The following DNM1 variants were observed in gnomAD, a reference collection of about 807,000 sequenced individuals.
DNM1 encodes dynamin-1.
In DNM1, 29 loss-of-function variants were observed where a neutral mutation model predicts 104.6. The observed-to-expected ratio is 0.28, with a 90% CI of 0.21 to 0.38. DNM1 has a LOEUF of 0.38. Ranked by LOEUF, DNM1 falls within the 10% of genes least tolerant of loss-of-function variation. The pLI, the probability that DNM1 is intolerant of heterozygous loss-of-function variation, is 1.00. For synonymous variants in DNM1, 445 were observed against 475.8 expected (o/e 0.94, Z 0.84); for missense variants, 640 against 1,189.4 (o/e 0.54, Z 6.79).
Position 128,247,411 on chromosome 9 carries a change from C to T in DNM1, c.1818C>T (p.Ala606=), listed in dbSNP as rs755425465. The T allele has an allele frequency of 6.2e-7, 1 of 1,613,592 alleles. No homozygotes were observed. The highest frequency in any genetic ancestry group is 8.5e-7 in the Non-Finnish European group (1 of 1,179,644). ...AGGATTATCGGCAGCTGGAGCTAGC[C>T]TGTGAGACACAGGAGGAGGTGGACA... ...VYKDYRQLEL[A]CETQEEVDSW... Residue 606 remains alanine (A), a synonymous_variant, in exon 17 of 22, where the codon GCC becomes GCT. Transcript: ENST00000372923. This position sits in a 1 kb window ranked among gnomAD's most constrained non-coding sequence, Gnocchi z 5.1.
At chr9:128,252,177 A>G (rs1273857295) in intron 21 of DNM1, 1 of 217,356 alleles carries the variant, frequency 4.6e-6, no homozygotes, top group Non-Finnish European at 9.2e-6. Flanking sequence ...GACAGTGGCT[A>G]TAGGGATGCT....
intron 4 of DNM1, 73 bp from the exon 5 acceptor site, chr9:128,219,914 TG>T: frequency 8.3e-7 from 1 of 1,200,302 alleles, no homozygotes; most frequent in Non-Finnish European, 1.2e-6. Flanking sequence ...AGCAGGGGGA[TG>T]GGAGTGGGAG....
chr9:128,244,575 G>C (rs562780753), intron 15 of DNM1: 28 of 95,412 alleles, frequency 2.9e-4, no homozygotes, highest in East Asian at 1.6e-3. Context: ...CCCCATCACC[G>C]CTACCCCCAA....
chr9:128,231,494 A>T (rs1564339805), intron 10 of DNM1, among the ~76,000 whole-genome samples: 1 of 151,968 alleles, frequency 6.6e-6, no homozygotes, highest in Non-Finnish European at 1.5e-5. Context: ...AGCCACCGCA[A>T]CCGGCCACTT....
At position 128,243,762 on chromosome 9, in the gene DNM1, C is replaced by T. The variant is rs1836555165; in HGVS notation, c.1671+1417C>T. ...GCTGAGGGCCGGAGACCGGGTGACACTGTGGGGGAGGGGCACGTGCCACTG... is the reference window on the plus strand; with the variant it reads ...GCTGAGGGCCGGAGACCGGGTGACATTGTGGGGGAGGGGCACGTGCCACTG... On this transcript the variant is annotated intron_variant, in intron 15 of 21. Coordinates refer to ENST00000372923, the MANE Select transcript of DNM1 (RefSeq NM_004408.4). The surrounding 1 kb of genome is among the most constrained non-coding windows in gnomAD (Gnocchi z 4.0). Among the ~76,000 whole-genome samples, 1 of 152,034 alleles carries T rather than the reference C, an allele frequency of 6.6e-6. No homozygotes were observed. The highest frequency in any genetic ancestry group is 2.4e-5 in the African/African-American group (1 of 41,376).
In DNM1 at chr9:128,248,399, C is replaced by G; in HGVS notation, c.1906-184C>G. On this transcript the variant is annotated intron_variant, in intron 18 of 21. Coordinates refer to ENST00000372923, the MANE Select transcript of DNM1 (RefSeq NM_004408.4). The surrounding 1 kb of genome is among the most constrained non-coding windows in gnomAD (Gnocchi z 5.6). ...CACTAGAGTCAGAACCAAGACAAGG[C>G]TGAATCAGGGGAGTCTAGGGTCCTG... 2 of 609,304 alleles carry G rather than the reference C, an allele frequency of 3.3e-6. No individual in the cohort carries two copies. Among genetic ancestry groups the G allele is most frequent in the Middle Eastern group, 4.4e-4 (1 of 2,252 alleles). 37.7% of individuals were successfully genotyped at this position (609,304 alleles called of 1,614,324 possible). A position where few individuals can be genotyped will look rare whatever the true frequency, so the allele number is the denominator to read the frequency against.
chr9:128,238,564 G>A (rs1341119043), intron 11 of DNM1, among the ~76,000 whole-genome samples: 1 of 151,840 alleles, frequency 6.6e-6, no homozygotes, highest in Non-Finnish European at 1.5e-5. Flanking sequence ...ATTAATGAGA[G>A]TAAGGATTTT....
At chr9:128,205,530 A>G (rs1265781510) in intron 1 of DNM1, among the ~76,000 whole-genome samples, 2 of 152,182 alleles carry the variant, frequency 1.3e-5, no homozygotes, top group Non-Finnish European at 2.9e-5. Context: ...CCAAAGCCCA[A>G]TTCCTAATCT....
chr9:128,241,746 T>G (rs1836379278), intron 14 of DNM1, among the ~76,000 whole-genome samples: 1 of 152,212 alleles, frequency 6.6e-6, no homozygotes, highest in African/African-American at 2.4e-5. Context: ...AGGAAGGGGC[T>G]GCCTGAGAAT....
At chr9:128,226,260 G>T (rs142568696) in intron 10 of DNM1, 1 of 1,559,732 alleles carries the variant, frequency 6.4e-7, no homozygotes, top group East Asian at 2.3e-5. Context: ...CTGCTGAGCC[G>T]GCCTCACGGC....
rs1210676459 is a variant in DNM1, at chr9:128,254,006, C to A, written c.2535-648C>A. The A allele has an allele frequency of 8.9e-6, 11 of 1,234,438 alleles. No homozygotes were observed. The highest frequency in any genetic ancestry group is 1.6e-5 in the African/African-American group (1 of 64,424). The allele number at this position is 1,234,438 out of a possible 1,614,324, so 76.5% of individuals were successfully genotyped here. ...ACTCTCGCTCTTCTGCTTTTCCCAG[C>A]AGGAAGGGCCCAGCCTCACCTACGA... On this transcript the variant is annotated intron_variant, in intron 21 of 21. Coordinates refer to ENST00000372923, the MANE Select transcript of DNM1 (RefSeq NM_004408.4). The surrounding 1 kb of genome is among the most constrained non-coding windows in gnomAD (Gnocchi z 6.1).
In DNM1 at chr9:128,211,417, C is replaced by T. The variant is rs146612510; in HGVS notation, c.162-6814C>T. Among the ~76,000 whole-genome samples the T allele has an allele frequency of 2.7e-3, 406 of 150,748 alleles. 3 individuals are homozygous for T. The highest frequency in any genetic ancestry group is 9.7e-3 in the African/African-American group (396 of 41,000). On this transcript the variant is annotated intron_variant, in intron 1 of 21. Coordinates refer to ENST00000372923, the MANE Select transcript of DNM1 (RefSeq NM_004408.4). ...CGTGGGAAAAATAGGGCCGTGCCCT[C>T]TCTCTCACTCTCCTGGGGTGCTATT...
Position 128,248,825 on chromosome 9 carries a change from G to C in DNM1, c.2076+72G>C. The stretch of plus-strand genomic sequence containing the variant: ...GATGCAGGTGGCCATGTTGGCCTGG[G>C]GGAGATGCCAACCAGCCCTATGGGA... On this transcript the variant is annotated intron_variant, in intron 19 of 21. Transcript: ENST00000372923. The surrounding 1 kb of genome is among the most constrained non-coding windows in gnomAD (Gnocchi z 5.6). The C allele has an allele frequency of 2.0e-6, 3 of 1,535,392 alleles. No individual in the cohort carries two copies. Among genetic ancestry groups the C allele is most frequent in the South Asian group, 1.2e-5 (1 of 83,692 alleles).
rs533372287 is a variant in DNM1 at position 128,250,485 on chromosome 9, G to T, written c.2318+129G>T. ...CACCTGGAGCGAGGGGCGGAGCTTAGAGAGGGCGGGGCTTGTCGCGGGGCG... is the reference window on the plus strand; with the variant it reads ...CACCTGGAGCGAGGGGCGGAGCTTATAGAGGGCGGGGCTTGTCGCGGGGCG... On this transcript the variant is annotated intron_variant, in intron 20 of 21. Coordinates refer to ENST00000372923, the MANE Select transcript of DNM1 (RefSeq NM_004408.4). The T allele has an allele frequency of 9.7e-6, 11 of 1,138,676 alleles. No homozygotes were observed. The South Asian group carries it at 9.8e-5, about 10-fold the overall frequency. The allele number at this position is 1,138,676 out of a possible 1,614,324, so 70.5% of individuals were successfully genotyped here. A position where few individuals can be genotyped will look rare whatever the true frequency, so the allele number is the denominator to read the frequency against.
At chr9:128,236,328 A>G (rs564003289) in intron 11 of DNM1, among the ~76,000 whole-genome samples, 10 of 152,008 alleles carry the variant, frequency 6.6e-5, no homozygotes, top group African/African-American at 2.4e-4. Context: ...TCTGGCTCCC[A>G]TTTCCCATTT....
At chr9:128,215,135 T>C (rs1430835269) in intron 1 of DNM1, among the ~76,000 whole-genome samples, 33 of 152,236 alleles carry the variant, frequency 2.2e-4, no homozygotes, top group Non-Finnish European at 4.4e-5. Context: ...TCCTCCCCAC[T>C]GTCAGTCCAG....
chr9:128,249,489 T>C (rs1414871347), intron 19 of DNM1, among the ~76,000 whole-genome samples: 1 of 151,908 alleles, frequency 6.6e-6, no homozygotes, highest in Non-Finnish European at 1.5e-5. Flanking sequence ...AAACCCCATC[T>C]CTATTAAAAA....
At chr9:128,241,782 G>C (rs760428326) in intron 14 of DNM1, among the ~76,000 whole-genome samples, 5 of 152,198 alleles carry the variant, frequency 3.3e-5, no homozygotes, top group Non-Finnish European at 7.3e-5. Context: ...ATACTCAAAG[G>C]CTGAGTAGGA....
chr9:128,212,860 C>T (rs1834383757), intron 1 of DNM1, among the ~76,000 whole-genome samples: 1 of 152,204 alleles, frequency 6.6e-6, no homozygotes, highest in Non-Finnish European at 1.5e-5. Context: ...GTGCAACCAT[C>T]ATCACTATCT....
Sources: allele counts gnomAD v4.1 joint callset (sites outside exome capture counted in the v4.1 genomes callset), GRCh38; gene constraint gnomAD v4.1.1; non-coding constraint Gnocchi (gnomAD v3.1); transcripts MANE v1.5; gene names NCBI Gene and HGNC (gene_info 2026-07-23, HGNC 2026-07-21).